The following COL4A3 variants were observed in gnomAD, a reference collection of about 807,000 sequenced individuals.
COL4A3 encodes the protein collagen alpha-3(IV) chain.
In COL4A3, 135 loss-of-function variants were observed where a neutral mutation model predicts 217.4. That is an observed-to-expected ratio of 0.62 (90% CI 0.54 to 0.72). COL4A3 has a LOEUF of 0.72. Among genes scored for constraint, COL4A3 ranks in the 30% least tolerant of loss-of-function variants. COL4A3 has a pLI of 0.00. For missense variants in COL4A3, 1,868 were observed against 2,119.9 expected (o/e 0.88, Z 2.33); for synonymous variants, 690 against 736.3 (o/e 0.94, Z 1.02).
chr2:227,299,271 T>G (rs1253813810), intron 43 of COL4A3, among the ~76,000 whole-genome samples: 1 of 152,182 alleles, frequency 6.6e-6, no homozygotes, highest in Non-Finnish European at 1.5e-5. Flanking sequence ...GGCAGGCGCC[T>G]GTAGTCCCAG....
chr2:227,278,800 C>G (rs1315947754), intron 28 of COL4A3, among the ~76,000 whole-genome samples: 1 of 152,128 alleles, frequency 6.6e-6, no homozygotes, highest in African/African-American at 2.4e-5. Context: ...TACAATTTCA[C>G]AATTGAATCT....
At chr2:227,272,320 T>C (rs2071290432) in intron 25 of COL4A3, among the ~76,000 whole-genome samples, 1 of 152,202 alleles carries the variant, frequency 6.6e-6, no homozygotes, top group Admixed American at 6.5e-5. Context: ...TTACACCCTG[T>C]CATTAAAAAA....
At chr2:227,188,959 A>G (rs1027380369) in intron 1 of COL4A3, among the ~76,000 whole-genome samples, 1 of 152,214 alleles carries the variant, frequency 6.6e-6, no homozygotes, top group Admixed American at 6.5e-5. Context: ...GAAGGAGCAT[A>G]TAGAAGGGTG....
At chr2:227,249,912 T>A (rs2069630441) in intron 9 of COL4A3, among the ~76,000 whole-genome samples, 1 of 152,238 alleles carries the variant, frequency 6.6e-6, no homozygotes, top group Admixed American at 6.5e-5. Flanking sequence ...ATGCTGAAGA[T>A]ATAATGATGG....
At chr2:227,305,122 T>C (rs1266659321) in intron 47 of COL4A3, 39 bp downstream of exon 47, 4 of 1,568,198 alleles carry the variant, frequency 2.6e-6, no homozygotes, top group African/African-American at 1.4e-5. Context: ...AGAAGTGCTA[T>C]TTCGACATAC....
chr2:227,170,137 G>C (rs2065422805), intron 1 of COL4A3, among the ~76,000 whole-genome samples: 1 of 152,134 alleles, frequency 6.6e-6, no homozygotes, highest in Admixed American at 6.5e-5. Flanking sequence ...TAAACACATG[G>C]ATGGTACACA....
At chr2:227,184,480 T>C (rs1417628674) in intron 1 of COL4A3, among the ~76,000 whole-genome samples, 1 of 152,220 alleles carries the variant, frequency 6.6e-6, no homozygotes, top group African/African-American at 2.4e-5. Flanking sequence ...AGCTTCTGCC[T>C]TGCTCATTGA....
chr2:227,197,457 T>G lies in COL4A3; in HGVS notation c.87+32644T>G, dbSNP rs62277825. Among the ~76,000 whole-genome samples, 1,163 of 152,338 alleles carry G rather than the reference T, an allele frequency of 7.6e-3. 20 individuals are homozygous for G. The highest frequency in any genetic ancestry group is 0.041 in the Admixed American group (624 of 15,302). On this transcript the variant is annotated intron_variant, in intron 1 of 51. Transcript: ENST00000396578. ...TTGTATAAGTACACTCTATGATGTT[T>G]GCACAATGACAAAATTGTCTGATGA...
At chr2:227,299,902 T>A (rs1574827890) in intron 43 of COL4A3, among the ~76,000 whole-genome samples, 1 of 152,302 alleles carries the variant, frequency 6.6e-6, no homozygotes, top group East Asian at 1.9e-4. Context: ...CTAAATGACA[T>A]TGTCACTTTT....
chr2:227,256,157 TAAAC>T lies in COL4A3; in HGVS notation c.933+95_933+98del, dbSNP rs1202637549. 2.9e-6 allele frequency: 4 copies of T among 1,381,460 alleles called. No homozygotes were observed. In the Admixed American group the frequency reaches 6.9e-5, roughly 24 times the overall value. The allele number at this position is 1,381,460 out of a possible 1,614,324, so 85.6% of individuals were successfully genotyped here. A position where few individuals can be genotyped will look rare whatever the true frequency, so the allele number is the denominator to read the frequency against. The stretch of plus-strand genomic sequence containing the variant: ...ATTTTTTAAAATCACTAAATAGTTA[TAAAC>T]AAACAAAAAGCTTACAGCTTTTAAA... On this transcript the variant is annotated intron_variant, in intron 16 of 51. Coordinates refer to ENST00000396578, the MANE Select transcript of COL4A3 (RefSeq NM_000091.5).
At chr2:227,202,908 T>C (rs1274459292) in intron 1 of COL4A3, among the ~76,000 whole-genome samples, 2 of 32,384 alleles carry the variant, frequency 6.2e-5, no homozygotes, top group African/African-American at 3.5e-4. Context: ...TATATATGTG[T>C]ATATATACAT....
intron 1 of COL4A3, among the ~76,000 whole-genome samples, chr2:227,171,025 T>A (rs2065455668): frequency 6.6e-6 from 1 of 151,956 alleles, no homozygotes; most frequent in Admixed American, 6.6e-5. Context: ...AAACATATAC[T>A]ATTATTAAAT....
Position 227,283,765 on chromosome 2 carries a change from A to G in COL4A3, c.2657-2A>G, listed in dbSNP as rs1423442820. On this transcript the variant is annotated splice_acceptor_variant, in intron 32 of 51. Coordinates refer to ENST00000396578, the MANE Select transcript of COL4A3 (RefSeq NM_000091.5). LOFTEE classifies it high-confidence loss of function. ...CTGCTTTGTGTTAATTTGTTTCCAT[A>G]GGTGAAGATGGAGTGATTGGGATGA... 6.2e-7 allele frequency: 1 copy of G among 1,613,504 alleles called. No individual in the cohort carries two copies. The highest frequency in any genetic ancestry group is 1.1e-5 in the South Asian group (1 of 91,068).
chr2:227,230,853 T>G (rs1402600194), intron 1 of COL4A3, among the ~76,000 whole-genome samples: 2 of 152,188 alleles, frequency 1.3e-5, no homozygotes, highest in Non-Finnish European at 2.9e-5. Context: ...CAGGCAGGGC[T>G]TATTTCTACA....
At chr2:227,281,217 T>C (rs544072213) in intron 31 of COL4A3, among the ~76,000 whole-genome samples, 1 of 152,290 alleles carries the variant, frequency 6.6e-6, no homozygotes, top group East Asian at 1.9e-4. Context: ...GAAGTTAATA[T>C]AGTGAGTTGC....
intron 23 of COL4A3, 144 bp from the exon 24 acceptor site, chr2:227,269,766 C>T (rs1004944721): frequency 2.9e-6 from 2 of 690,432 alleles, no homozygotes; most frequent in African/African-American, 3.6e-5. Context: ...TACTCCCATT[C>T]TCTTATTGCA....
intron 47 of COL4A3, 128 bp downstream of exon 47, chr2:227,305,211 C>A: frequency 1.3e-6 from 1 of 775,338 alleles, no homozygotes; most frequent in Non-Finnish European, 2.2e-6. Flanking sequence ...AGACCAAAGG[C>A]CAAGGATCAA....
chr2:227,269,247 T>C (rs1390298159), intron 23 of COL4A3, among the ~76,000 whole-genome samples: 1 of 152,226 alleles, frequency 6.6e-6, no homozygotes, highest in African/African-American at 2.4e-5. Flanking sequence ...TATTACACTT[T>C]TAAAAATTTA....
At chr2:227,277,378 G>T in intron 27 of COL4A3, 71 bp from the exon 28 acceptor site, 2 of 916,794 alleles carry the variant, frequency 2.2e-6, no homozygotes, top group Non-Finnish European at 3.5e-6. Flanking sequence ...AGAGAACTTA[G>T]ACATTTTCTT....
Sources: allele counts gnomAD v4.1 joint callset (sites outside exome capture counted in the v4.1 genomes callset), GRCh38; gene constraint gnomAD v4.1.1; transcripts MANE v1.5; gene names NCBI Gene and HGNC (gene_info 2026-07-23, HGNC 2026-07-21).